The following STPG2 variants were observed in gnomAD, a reference collection of about 807,000 sequenced individuals.
The protein encoded by STPG2 is sperm tail PG-rich repeat containing 2, also known as sperm-tail PG-rich repeat-containing protein 2.
STPG2 carries 56 observed loss-of-function variants against 54.2 expected under a neutral mutation model. The ratio of observed to expected loss-of-function variants is 1.03; its 90% CI spans 0.83 to 1.29. The LOEUF is 1.29. STPG2 is among the 50% of genes most tolerant of loss of function. STPG2 has a pLI of 0.00. For missense variants in STPG2, 596 were observed against 544.9 expected (o/e 1.09, Z -0.93); for synonymous variants, 200 against 181.8 (o/e 1.10, Z -0.81).
intron 9 of STPG2, among the ~76,000 whole-genome samples, chr4:97,714,084 A>G (rs1320028125): frequency 6.6e-6 from 1 of 152,148 alleles, no homozygotes; most frequent in African/African-American, 2.4e-5. Flanking sequence ...GCCACAGAAT[A>G]TTGACAATAA....
chr4:97,949,654 T>C (rs1733391175), intron 7 of STPG2, among the ~76,000 whole-genome samples: 1 of 152,108 alleles, frequency 6.6e-6, no homozygotes, highest in African/African-American at 2.4e-5. Flanking sequence ...GTAGTTTTGC[T>C]GGATACAAAA....
At chr4:97,997,175 C>T (rs1047116905) in intron 5 of STPG2, among the ~76,000 whole-genome samples, 2 of 152,192 alleles carry the variant, frequency 1.3e-5, no homozygotes, top group African/African-American at 4.8e-5. Flanking sequence ...ATAGCAAAGG[C>T]ATGGAATCAA....
intron 4 of STPG2, among the ~76,000 whole-genome samples, chr4:97,520,891 G>A (rs140673129): frequency 2.5e-3 from 382 of 151,946 alleles, no homozygotes; most frequent in Middle Eastern, 0.021. Flanking sequence ...GGTTTTTTTG[G>A]TTATAGAGTT....
intron 5 of STPG2, among the ~76,000 whole-genome samples, chr4:98,015,324 T>C (rs1307276249): frequency 6.6e-6 from 1 of 152,140 alleles, no homozygotes; most frequent in Non-Finnish European, 1.5e-5. Context: ...AAAGGGCTAA[T>C]ATCCAGAATC....
intron 9 of STPG2, among the ~76,000 whole-genome samples, chr4:97,833,638 A>G (rs1728540147): frequency 6.6e-6 from 1 of 152,166 alleles, no homozygotes; most frequent in African/African-American, 2.4e-5. Flanking sequence ...AGAATCTACA[A>G]ATAACTTAAA....
intron 5 of STPG2, among the ~76,000 whole-genome samples, chr4:98,056,044 T>A (rs1737471669): frequency 6.6e-6 from 1 of 152,156 alleles, no homozygotes; most frequent in African/African-American, 2.4e-5. Flanking sequence ...TTTGCTGGTA[T>A]GTGTCTGCAC....
At chr4:97,904,103 T>A (rs951668580) in intron 8 of STPG2, among the ~76,000 whole-genome samples, 3 of 152,116 alleles carry the variant, frequency 2.0e-5, no homozygotes, top group Non-Finnish European at 2.9e-5. Context: ...CCACCACAGC[T>A]GAAGGAGGCC....
intron 5 of STPG2, among the ~76,000 whole-genome samples, chr4:98,098,882 T>A (rs190549222): frequency 2.0e-5 from 3 of 152,110 alleles, no homozygotes; most frequent in African/African-American, 7.2e-5. Context: ...ATGAACATAA[T>A]TGATCATCAG....
intron 9 of STPG2, among the ~76,000 whole-genome samples, chr4:97,801,654 CT>C (rs1478535168): frequency 6.6e-6 from 1 of 152,176 alleles, no homozygotes; most frequent in East Asian, 1.9e-4. Context: ...AAAAATGTCT[CT>C]TTTTTTCTTT....
chr4:97,637,983 GA>G (rs1378639309), intron 10 of STPG2, among the ~76,000 whole-genome samples: 1 of 151,652 alleles, frequency 6.6e-6, no homozygotes, highest in Non-Finnish European at 1.5e-5. Flanking sequence ...CACAGAATTG[GA>G]AAAAACTACT....
At chr4:97,963,416 G>A (rs1733965601) in intron 7 of STPG2, among the ~76,000 whole-genome samples, 1 of 152,056 alleles carries the variant, frequency 6.6e-6, no homozygotes, top group South Asian at 2.1e-4. Context: ...CACTGCTTTG[G>A]GAGGCAGAGG....
chr4:97,989,529 A>G (rs990651255), intron 5 of STPG2, among the ~76,000 whole-genome samples: 1 of 152,200 alleles, frequency 6.6e-6, no homozygotes, highest in East Asian at 1.9e-4. Context: ...TAGAACAATT[A>G]TAATAAATGT....
chr4:97,444,111 G>GAA (rs778906068), intron 4 of STPG2, among the ~76,000 whole-genome samples: 1 of 151,972 alleles, frequency 6.6e-6, no homozygotes, highest in Non-Finnish European at 1.5e-5. Context: ...TATACAGACT[G>GAA]AAGTTCAAAA....
At chr4:97,918,356 C>T (rs181255230) in intron 8 of STPG2, among the ~76,000 whole-genome samples, 2 of 152,140 alleles carry the variant, frequency 1.3e-5, no homozygotes, top group Non-Finnish European at 2.9e-5. Flanking sequence ...AAAGCCAGCA[C>T]AGGAAATTGT....
At chr4:97,706,225 C>T (rs1723936491) in intron 10 of STPG2, among the ~76,000 whole-genome samples, 2 of 152,180 alleles carry the variant, frequency 1.3e-5, no homozygotes, top group South Asian at 2.1e-4. Flanking sequence ...CACATATACT[C>T]AGCACCCCTC....
intron 8 of STPG2, among the ~76,000 whole-genome samples, chr4:97,854,686 T>C (rs965333680): frequency 2.0e-5 from 3 of 152,096 alleles, no homozygotes; most frequent in Non-Finnish European, 4.4e-5. Context: ...TACATGTGAA[T>C]GTATGTCCAT....
intron 4 of STPG2, among the ~76,000 whole-genome samples, chr4:97,477,085 C>T (rs1056863174): frequency 2.0e-5 from 3 of 152,206 alleles, no homozygotes; most frequent in Non-Finnish European, 2.9e-5. Flanking sequence ...TGAACAGTTA[C>T]TCTATTAGAG....
At chr4:97,730,061 G>T (rs1175788529) in intron 9 of STPG2, among the ~76,000 whole-genome samples, 11 of 152,096 alleles carry the variant, frequency 7.2e-5, no homozygotes, top group Admixed American at 7.2e-4. Context: ...TGGATATGTT[G>T]TGTGATGCTG....
chr4:97,718,682 C>T (rs564801592), intron 9 of STPG2, among the ~76,000 whole-genome samples: 1 of 151,848 alleles, frequency 6.6e-6, no homozygotes, highest in Non-Finnish European at 1.5e-5. Context: ...TTTCAGTAAC[C>T]TTTGTCCTCC....
Sources: gnomAD v4.1 joint callset for allele counts (sites outside exome capture counted in the v4.1 genomes callset) on GRCh38, gnomAD v4.1.1 for gene constraint, MANE v1.5 for transcripts, NCBI Gene and HGNC (gene_info 2026-07-23, HGNC 2026-07-21) for gene names.